The following ERI3 variants were observed in gnomAD, a reference collection of about 807,000 sequenced individuals.
ERI3 encodes the protein ERI1 exoribonuclease family member 3, also known as ERI1 exoribonuclease 3.
ERI3 carries 18 observed loss-of-function variants against 44.4 expected under a neutral mutation model. That is an observed-to-expected ratio of 0.41 (90% CI 0.28 to 0.60). The LOEUF is 0.60. ERI3 is among the 20% of genes least tolerant of loss of function. ERI3 has a pLI of 0.36. For missense variants in ERI3, 294 were observed against 435.5 expected (o/e 0.68, Z 2.89); for synonymous variants, 183 against 164.8 (o/e 1.11, Z -0.84).
Position 44,228,255 on chromosome 1 carries a change from C to T in ERI3, c.932-6615G>A, listed in dbSNP as rs1245030138. ...CCTCCCCTCAGCCCCCTCCACCCCA[C>T]CGAGGTGCCTGGAGGTGCCACAGGC... is the stretch of plus-strand genomic sequence containing the variant. On this transcript the variant is annotated intron_variant, in intron 8 of 8. Coordinates refer to ENST00000372257, the MANE Select transcript of ERI3 (RefSeq NM_024066.3). The surrounding 1 kb of genome is among the most constrained non-coding windows in gnomAD (Gnocchi z 4.3). 6.6e-6 allele frequency among the ~76,000 whole-genome samples: 1 copy of T among 152,158 alleles called. No homozygotes were observed. Among genetic ancestry groups the T allele is most frequent in the East Asian group, 1.9e-4 (1 of 5,186 alleles).
intron 6 of ERI3, among the ~76,000 whole-genome samples, chr1:44,288,746 T>C (rs1403733828): frequency 1.3e-5 from 2 of 152,072 alleles, no homozygotes; most frequent in Non-Finnish European, 2.9e-5. Flanking sequence ...GAGAAGCAAG[T>C]AGCATAGTGG....
chr1:44,318,937 G>A (rs1433352447), intron 4 of ERI3, among the ~76,000 whole-genome samples: 2 of 152,204 alleles, frequency 1.3e-5, no homozygotes, highest in South Asian at 4.1e-4. Context: ...ACTTCACACA[G>A]TTCTGGGAGT....
At chr1:44,224,680 T>C (rs937751604) in intron 8 of ERI3, among the ~76,000 whole-genome samples, 12 of 152,150 alleles carry the variant, frequency 7.9e-5, no homozygotes, top group African/African-American at 2.9e-4. Flanking sequence ...AGAAAGTGTA[T>C]ACAATTGATA....
At chr1:44,245,088 T>TGACCCCC (rs1346062773) in intron 8 of ERI3, among the ~76,000 whole-genome samples, 21 of 152,296 alleles carry the variant, frequency 1.4e-4, no homozygotes, top group African/African-American at 5.1e-4. Flanking sequence ...AGCTGACCTC[T>TGACCCCC]GACCCCCAGG....
At chr1:44,265,343 C>T (rs1426647409) in intron 7 of ERI3, among the ~76,000 whole-genome samples, 1 of 152,210 alleles carries the variant, frequency 6.6e-6, no homozygotes, top group African/African-American at 2.4e-5. Flanking sequence ...GTACTCACAG[C>T]AGAGTAGGCT....
intron 8 of ERI3, among the ~76,000 whole-genome samples, chr1:44,226,778 AACACACACAC>A (rs60011057): frequency 2.4e-4 from 34 of 143,470 alleles, no homozygotes; most frequent in South Asian, 9.3e-4. Flanking sequence ...AGCATTATTA[AACACACACAC>A]ACACACACAC....
intron 7 of ERI3, among the ~76,000 whole-genome samples, chr1:44,254,088 C>G (rs991109713): frequency 1.3e-5 from 2 of 152,230 alleles, no homozygotes; most frequent in East Asian, 1.9e-4. Context: ...TTTCCTGCTG[C>G]TTCTAGACTA....
At chr1:44,326,002 C>T (rs1021667754) in intron 3 of ERI3, among the ~76,000 whole-genome samples, 6 of 152,170 alleles carry the variant, frequency 3.9e-5, no homozygotes, top group Non-Finnish European at 8.8e-5. Flanking sequence ...CATAGATTCT[C>T]CTCTGCCTGA....
At chr1:44,229,332 G>A (rs1442318591) in intron 8 of ERI3, among the ~76,000 whole-genome samples, 1 of 152,186 alleles carries the variant, frequency 6.6e-6, no homozygotes, top group Admixed American at 6.5e-5. Context: ...ATCTGCAAGG[G>A]AAGGAAATGA....
chr1:44,310,086 A>C (rs1645921331), intron 5 of ERI3, among the ~76,000 whole-genome samples: 1 of 152,204 alleles, frequency 6.6e-6, no homozygotes, highest in South Asian at 2.1e-4. Flanking sequence ...ATAATGTTTT[A>C]AGTACCTACC....
chr1:44,230,322 T>A (rs1182847441), intron 8 of ERI3: 4 of 152,190 alleles, frequency 2.6e-5, no homozygotes, highest in Non-Finnish European at 5.9e-5. Context: ...CTCACCTTTC[T>A]CCTGGTCTGG....
chr1:44,249,519 G>A (rs889011130), intron 7 of ERI3, among the ~76,000 whole-genome samples: 2 of 152,198 alleles, frequency 1.3e-5, no homozygotes, highest in Admixed American at 6.5e-5. Context: ...ATGGGTACTA[G>A]GAGGCTAGGA....
rs1317157829 is a variant in ERI3, at chr1:44,347,493, C to T, written c.211+5357G>A. Among the ~76,000 whole-genome samples the T allele has an allele frequency of 4.6e-5, 7 of 152,190 alleles. No homozygotes were observed. In the East Asian group the frequency reaches 1.3e-3, roughly 29 times the overall value. On this transcript the variant is annotated intron_variant, in intron 2 of 8. Coordinates refer to ENST00000372257, the MANE Select transcript of ERI3 (RefSeq NM_024066.3). Reference sequence around the variant, plus strand: ...TTACAAATTTGTGCTTTGGCAAACGCTGCTCCCTATTTTGGAATGCACTTC... The same window carrying T: ...TTACAAATTTGTGCTTTGGCAAACGTTGCTCCCTATTTTGGAATGCACTTC...
At chr1:44,249,499 C>T (rs1644630176) in intron 7 of ERI3, among the ~76,000 whole-genome samples, 2 of 152,220 alleles carry the variant, frequency 1.3e-5, no homozygotes, top group African/African-American at 4.8e-5. Flanking sequence ...GGAACCAACA[C>T]TCCAGCCCCA....
rs558148672 is a variant in ERI3, at chr1:44,329,903, G to A, written c.489+9142C>T. Among the ~76,000 whole-genome samples the A allele has an allele frequency of 7.9e-5, 12 of 152,228 alleles. No individual in the cohort carries two copies. The East Asian group carries it at 2.1e-3, about 27-fold the overall frequency. On this transcript the variant is annotated intron_variant, in intron 3 of 8. Coordinates refer to ENST00000372257, the MANE Select transcript of ERI3 (RefSeq NM_024066.3). ...GGCCACTAGTCTCCAAAAGAGTTAT[G>A]AGCTACATAAGAACATGGTTCTCAA...
At chr1:44,352,992 ATAC>A (rs778160132) in intron 1 of ERI3, 67 bp from the exon 2 acceptor site, 317 of 1,603,582 alleles carry the variant, frequency 2.0e-4, no homozygotes, top group Non-Finnish European at 2.7e-4. Context: ...CCCATGAAGG[ATAC>A]TACACCTCAA....
At chr1:44,278,220 G>A (rs1166509777) in intron 7 of ERI3, among the ~76,000 whole-genome samples, 2 of 152,158 alleles carry the variant, frequency 1.3e-5, no homozygotes, top group South Asian at 2.1e-4. Context: ...GCTCGCACCT[G>A]TAATCCCAAC....
intron 6 of ERI3, 49 bp from the exon 7 acceptor site, chr1:44,284,956 G>A: frequency 6.7e-7 from 1 of 1,499,836 alleles, no homozygotes; most frequent in Middle Eastern, 1.7e-4. Context: ...CCATGTCCCA[G>A]GTATGAAGTC....
chr1:44,226,135 T>C (rs1644032754), intron 8 of ERI3, among the ~76,000 whole-genome samples: 1 of 151,966 alleles, frequency 6.6e-6, no homozygotes, highest in Non-Finnish European at 1.5e-5. Context: ...GAGGAAGGTG[T>C]TCAATAAATA....
Sources: gnomAD v4.1 joint callset for allele counts (sites outside exome capture counted in the v4.1 genomes callset) on GRCh38, gnomAD v4.1.1 for gene constraint, Gnocchi (gnomAD v3.1) non-coding constraint, MANE v1.5 for transcripts, NCBI Gene and HGNC (gene_info 2026-07-23, HGNC 2026-07-21) for gene names.